Variants in TENM4 observed in about 807,000 individuals in gnomAD.
TENM4 encodes teneurin-4.
In TENM4, 82 loss-of-function variants were observed where a neutral mutation model predicts 243.3. The observed-to-expected ratio is 0.34, with a 90% CI of 0.28 to 0.40. The LOEUF (loss-of-function observed/expected upper bound fraction) is 0.40, where lower values mean the gene tolerates loss of function less well. Ranked by LOEUF, TENM4 falls within the 10% of genes least tolerant of loss-of-function variation. The pLI is 1.00. For missense variants in TENM4, 3,138 were observed against 3,673.3 expected (o/e 0.85, Z 3.77); for synonymous variants, 1,412 against 1,456.3 (o/e 0.97, Z 0.69).
intron 22 of TENM4, among the ~76,000 whole-genome samples, chr11:78,727,592 G>A (rs1792145): frequency 0.23 from 35,141 of 152,008 alleles, 4,803 homozygotes; most frequent in African/African-American, 0.39. Flanking sequence ...GTCATTTACA[G>A]TGAATATATA....
intron 1 of TENM4, among the ~76,000 whole-genome samples, chr11:79,332,462 T>G (rs1266230394): frequency 6.6e-6 from 1 of 152,144 alleles, no homozygotes. Flanking sequence ...GTTGAACAAC[T>G]TGAACTGTCA....
At chr11:79,369,204 C>A (rs1370886523) in intron 1 of TENM4, among the ~76,000 whole-genome samples, 2 of 152,152 alleles carry the variant, frequency 1.3e-5, no homozygotes, top group African/African-American at 4.8e-5. Context: ...AATGACACCA[C>A]CAAATTACCA....
At chr11:78,745,975 C>A (rs1196599517) in intron 19 of TENM4, among the ~76,000 whole-genome samples, 2 of 151,998 alleles carry the variant, frequency 1.3e-5, no homozygotes, top group African/African-American at 4.8e-5. Context: ...TTTTTTGAGA[C>A]AGGGTCTTGC....
At chr11:79,088,347 G>A (rs925312980) in intron 4 of TENM4, among the ~76,000 whole-genome samples, 1 of 152,072 alleles carries the variant, frequency 6.6e-6, no homozygotes, top group Non-Finnish European at 1.5e-5. Flanking sequence ...CCTGTATTGC[G>A]GGGAGACAGG....
intron 4 of TENM4, among the ~76,000 whole-genome samples, chr11:79,113,971 G>A (rs1861565879): frequency 6.6e-6 from 1 of 152,156 alleles, no homozygotes; most frequent in Non-Finnish European, 1.5e-5. Flanking sequence ...GAAGGGTGGG[G>A]GTTGTGATCA....
intron 1 of TENM4, among the ~76,000 whole-genome samples, chr11:79,351,297 G>T (rs146255993): frequency 2.6e-5 from 4 of 152,162 alleles, no homozygotes; most frequent in Non-Finnish European, 4.4e-5. Flanking sequence ...TTGTGTTGCT[G>T]TCTGCCTTCC....
At chr11:79,047,170 C>T (rs1859678832) in intron 6 of TENM4, among the ~76,000 whole-genome samples, 1 of 152,128 alleles carries the variant, frequency 6.6e-6, no homozygotes, top group Non-Finnish European at 1.5e-5. Flanking sequence ...GTAAAGTGGA[C>T]CACTGAAGAA....
intron 12 of TENM4, among the ~76,000 whole-genome samples, chr11:78,834,734 A>G (rs1858062832): frequency 6.6e-6 from 1 of 152,172 alleles, no homozygotes; most frequent in African/African-American, 2.4e-5. Flanking sequence ...CCTTGTTGAT[A>G]TCTCTACGGA....
At chr11:79,154,140 TA>T (rs34485787) in intron 3 of TENM4, among the ~76,000 whole-genome samples, 8 of 150,670 alleles carry the variant, frequency 5.3e-5, no homozygotes, top group South Asian at 2.1e-4. Context: ...GTTGGGTAAT[TA>T]AAAAAAAAGA....
intron 6 of TENM4, among the ~76,000 whole-genome samples, chr11:79,034,590 T>A (rs542825710): frequency 8.8e-4 from 134 of 151,800 alleles, no homozygotes; most frequent in African/African-American, 1.9e-3. Context: ...TTAAAAAAAA[T>A]TTTTTTTTAA....
At chr11:79,274,410 T>A (rs1856018927) in intron 2 of TENM4, among the ~76,000 whole-genome samples, 5 of 152,228 alleles carry the variant, frequency 3.3e-5, no homozygotes. Flanking sequence ...TTCCACAAAA[T>A]CAACTAAATC....
chr11:78,885,702 T>A (rs1392419338), intron 9 of TENM4, among the ~76,000 whole-genome samples: 1 of 152,172 alleles, frequency 6.6e-6, no homozygotes, highest in Non-Finnish European at 1.5e-5. Context: ...GGAAGATCAT[T>A]TGAGGCCAGG....
intron 9 of TENM4, among the ~76,000 whole-genome samples, chr11:78,884,315 G>A (rs901942553): frequency 1.3e-5 from 2 of 152,192 alleles, no homozygotes; most frequent in Non-Finnish European, 2.9e-5. Flanking sequence ...TATAAAATGG[G>A]ACAGTCTTTC....
At chr11:79,223,759 T>C (rs1237441270) in intron 2 of TENM4, among the ~76,000 whole-genome samples, 1 of 152,170 alleles carries the variant, frequency 6.6e-6, no homozygotes, top group Non-Finnish European at 1.5e-5. Context: ...GCTTATCCAC[T>C]AGTTTCCCTG....
chr11:79,420,208 T>G (rs1295579554), intron 1 of TENM4, among the ~76,000 whole-genome samples: 1 of 152,224 alleles, frequency 6.6e-6, no homozygotes, highest in Non-Finnish European at 1.5e-5. Context: ...TGTTAAATCC[T>G]TACTCTTTGT....
chr11:79,110,540 C>G (rs542936702), intron 4 of TENM4, among the ~76,000 whole-genome samples: 2 of 152,320 alleles, frequency 1.3e-5, no homozygotes, highest in East Asian at 3.9e-4. Flanking sequence ...CAGCTGCCTC[C>G]TCTCCCTGCC....
intron 4 of TENM4, among the ~76,000 whole-genome samples, chr11:79,136,762 C>G (rs1043611762): frequency 2.6e-5 from 4 of 152,168 alleles, no homozygotes; most frequent in Admixed American, 6.5e-5. Context: ...TCAGCATTGC[C>G]TCTGACCAAG....
chr11:79,265,172 T>C (rs1025250471), intron 2 of TENM4, among the ~76,000 whole-genome samples: 6 of 152,212 alleles, frequency 3.9e-5, no homozygotes, highest in Non-Finnish European at 8.8e-5. Flanking sequence ...CACTGCCTTG[T>C]AATGCATGAA....
At chr11:78,925,232 G>A (rs1431130637) in intron 6 of TENM4, among the ~76,000 whole-genome samples, 1 of 151,870 alleles carries the variant, frequency 6.6e-6, no homozygotes, top group African/African-American at 2.4e-5. Context: ...ATGTCTGAGT[G>A]TAGAATAAAT....
Sources: gnomAD v4.1 joint callset for allele counts (sites outside exome capture counted in the v4.1 genomes callset) on GRCh38, gnomAD v4.1.1 for gene constraint, MANE v1.5 for transcripts, NCBI Gene and HGNC (gene_info 2026-07-23, HGNC 2026-07-21) for gene names.